The following ADCY5 variants were observed in gnomAD, a reference collection of about 807,000 sequenced individuals.
ADCY5 encodes adenylate cyclase 5, also known as adenylate cyclase type 5.
Under a neutral mutation model 119.7 loss-of-function variants are expected in ADCY5, and 30 were observed. That is an observed-to-expected ratio of 0.25 (90% CI 0.19 to 0.34). The LOEUF (loss-of-function observed/expected upper bound fraction) is 0.34, where lower values mean the gene tolerates loss of function less well. Among genes scored for constraint, ADCY5 ranks in the 10% least tolerant of loss-of-function variants. ADCY5 has a pLI of 1.00. For missense variants in ADCY5, 1,324 were observed against 1,775.2 expected (o/e 0.75, Z 4.57); for synonymous variants, 753 against 762.2 (o/e 0.99, Z 0.20).
At chr3:123,407,760 T>C (rs1266541608) in intron 1 of ADCY5, among the ~76,000 whole-genome samples, 26 of 80,506 alleles carry the variant, frequency 3.2e-4, no homozygotes, top group East Asian at 1.0e-3. Flanking sequence ...AGTGAGACCC[T>C]GTCTCAAAAA....
At chr3:123,340,950 C>A (rs1012454699) in intron 3 of ADCY5, among the ~76,000 whole-genome samples, 2 of 151,734 alleles carry the variant, frequency 1.3e-5, no homozygotes, top group African/African-American at 2.4e-5. Context: ...AATGGTGAAA[C>A]CCCGTCTCTA....
At chr3:123,415,011 C>G (rs867384789) in intron 1 of ADCY5, among the ~76,000 whole-genome samples, 1 of 152,304 alleles carries the variant, frequency 6.6e-6, no homozygotes, top group South Asian at 2.1e-4. Context: ...TCCACCACTG[C>G]GGCCCCTTGG....
At chr3:123,356,914 T>C (rs1576617808) in intron 1 of ADCY5, among the ~76,000 whole-genome samples, 1 of 151,944 alleles carries the variant, frequency 6.6e-6, no homozygotes, top group African/African-American at 2.4e-5. Context: ...TACTCAGCTA[T>C]AAAAAGAAAC....
chr3:123,301,014 G>A (rs1377045024), intron 14 of ADCY5, among the ~76,000 whole-genome samples: 4 of 151,930 alleles, frequency 2.6e-5, no homozygotes, highest in East Asian at 1.9e-4. Context: ...AGGAGGGATC[G>A]TGCCCTGTGC....
At chr3:123,422,381 G>A (rs1945319234) in intron 1 of ADCY5, among the ~76,000 whole-genome samples, 2 of 152,202 alleles carry the variant, frequency 1.3e-5, no homozygotes, top group Admixed American at 6.5e-5. Context: ...GTAGGTTAGG[G>A]TGTTTTATAC....
intron 1 of ADCY5, among the ~76,000 whole-genome samples, chr3:123,395,979 G>GGAAAGAAAGAAAGAGAAA (rs533201747): frequency 9.0e-6 from 1 of 111,144 alleles, no homozygotes; most frequent in East Asian, 2.6e-4. Context: ...AAGAAAGGAA[G>GGAAAGAAAGAAAGAGAAA]GAAAGAAAGA....
In ADCY5 at chr3:123,398,193, G is replaced by A. The variant is rs373632105; in HGVS notation, c.1135-45612C>T. ...TCCCAGTACCTGGAGGTCAGGTCTC[G>A]CCAGCAATGAGGCCCCCACGTGATT... On this transcript the variant is annotated intron_variant, in intron 1 of 20. Coordinates refer to ENST00000462833, the MANE Select transcript of ADCY5 (RefSeq NM_183357.3). Among the ~76,000 whole-genome samples, 44 of 152,228 alleles carry A rather than the reference G, an allele frequency of 2.9e-4. No homozygotes were observed. In the East Asian group the frequency reaches 3.3e-3, roughly 11 times the overall value.
chr3:123,339,243 C>T (rs1942165068), intron 3 of ADCY5, among the ~76,000 whole-genome samples: 1 of 152,102 alleles, frequency 6.6e-6, no homozygotes, highest in Non-Finnish European at 1.5e-5. Flanking sequence ...CCTCCATTTG[C>T]CCCCCATCAT....
In ADCY5 at chr3:123,416,621, G is replaced by T. The variant is rs115504473; in HGVS notation, c.1134+30791C>A. Among the ~76,000 whole-genome samples the T allele has an allele frequency of 0.018, 2,704 of 152,182 alleles. 78 individuals carry two copies. Among genetic ancestry groups the T allele is most frequent in the African/African-American group, 0.061 (2,533 of 41,518 alleles). On this transcript the variant is annotated intron_variant, in intron 1 of 20. Coordinates refer to ENST00000462833, the MANE Select transcript of ADCY5 (RefSeq NM_183357.3). ...CGTGGCTCTTACTATTCACAAACTCGCTCTGCCACGAACTGAATTATGGCC... is the reference window on the plus strand; with the variant it reads ...CGTGGCTCTTACTATTCACAAACTCTCTCTGCCACGAACTGAATTATGGCC...
chr3:123,362,035 C>G lies in ADCY5; in HGVS notation c.1135-9454G>C, dbSNP rs565399005. ...TACAGCTAAATAATATTCCACAGCA[C>G]AGATCTACCATATATTGTTTATCCA... On this transcript the variant is annotated intron_variant, in intron 1 of 20. Coordinates refer to ENST00000462833, the MANE Select transcript of ADCY5 (RefSeq NM_183357.3). 3.9e-5 allele frequency among the ~76,000 whole-genome samples: 6 copies of G among 152,294 alleles called. No individual in the cohort carries two copies. The East Asian group carries it at 7.7e-4, about 20-fold the overall frequency.
chr3:123,347,891 G>GCAGGAGCC lies in ADCY5; in HGVS notation c.1289_1296dup (p.Leu433GlyfsTer15). On this transcript the variant is annotated frameshift_variant, in exon 3 of 21. Transcript: ENST00000462833. LOFTEE classifies it high-confidence loss of function. ...GCAACATGACGGGGAAGGACAGACA[G>GCAGGAGCC]CAGGAGCCGTTCCTGCAGAGGGAAG... is the stretch of plus-strand genomic sequence containing the variant. 6.2e-7 allele frequency: 1 copy of GCAGGAGCC among 1,614,150 alleles called. No individual in the cohort carries two copies. The highest frequency in any genetic ancestry group is 8.5e-7 in the Non-Finnish European group (1 of 1,180,010).
chr3:123,404,938 TG>T (rs1559865286), intron 1 of ADCY5, among the ~76,000 whole-genome samples: 1 of 152,202 alleles, frequency 6.6e-6, no homozygotes, highest in Non-Finnish European at 1.5e-5. Flanking sequence ...ACCTCACCAG[TG>T]TGGTCTGATC....
In ADCY5 at chr3:123,325,252, G is replaced by A. The variant is rs981959927; in HGVS notation, c.2088+70C>T. 144 of 1,564,556 alleles carry A rather than the reference G, an allele frequency of 9.2e-5. No homozygotes were observed. The Middle Eastern group carries it at 9.7e-4, about 11-fold the overall frequency. On this transcript the variant is annotated intron_variant, in intron 8 of 20. Coordinates refer to ENST00000462833, the MANE Select transcript of ADCY5 (RefSeq NM_183357.3). ...TTGGGCAACACGAGGCATCTGGTGC[G>A]GGCCTCATGCCCACAGAAGGCCCTA... is the stretch of plus-strand genomic sequence containing the variant.
At chr3:123,411,396 C>A (rs746120239) in intron 1 of ADCY5, among the ~76,000 whole-genome samples, 1 of 152,206 alleles carries the variant, frequency 6.6e-6, no homozygotes, top group Non-Finnish European at 1.5e-5. Flanking sequence ...TCACCGATCA[C>A]TGACTAAGGA....
At chr3:123,378,330 C>T (rs556817602) in intron 1 of ADCY5, among the ~76,000 whole-genome samples, 6 of 151,928 alleles carry the variant, frequency 3.9e-5, no homozygotes, top group South Asian at 4.2e-4. Context: ...TTGACTCTAA[C>T]GTGCTATTCT....
At position 123,291,327 on chromosome 3, in the gene ADCY5, C is replaced by T. The variant is rs1404359662; in HGVS notation, c.3113G>A (p.Arg1038Gln). ...CTTGGGCAGGATGTTGTGCAGCAGC[C>T]GCCGGTTGTAGGCCTGCAGCTCCTC... ...EMEELQAYNR[R>Q]LLHNILPKDV... Residue 1038 changes from arginine (R) to glutamine (Q), a missense_variant, in exon 18 of 21, where the codon CGG becomes CAG. By Grantham distance (43) the Arg-to-Gln change is conservative (BLOSUM62 1). Coordinates refer to ENST00000462833, the MANE Select transcript of ADCY5 (RefSeq NM_183357.3). 2.7e-5 allele frequency: 44 copies of T among 1,613,794 alleles called. No homozygotes were observed. Among genetic ancestry groups the T allele is most frequent in the Non-Finnish European group, 3.3e-5 (39 of 1,180,034 alleles).
intron 14 of ADCY5, 138 bp from the exon 15 acceptor site, chr3:123,300,433 GGT>G: frequency 9.8e-7 from 1 of 1,020,054 alleles, no homozygotes; most frequent in Non-Finnish European, 1.4e-6. Context: ...TTTCCCAACA[GGT>G]GTGATATAAA....
At chr3:123,432,396 G>C (rs1331328714) in intron 1 of ADCY5, among the ~76,000 whole-genome samples, 1 of 152,166 alleles carries the variant, frequency 6.6e-6, no homozygotes, top group Non-Finnish European at 1.5e-5. Flanking sequence ...CCAGAAGAAA[G>C]ACTGGAGAAG....
chr3:123,320,901 C>T (rs1202517754), intron 8 of ADCY5, 130 bp from the exon 9 acceptor site: 2 of 686,012 alleles, frequency 2.9e-6, no homozygotes, highest in Non-Finnish European at 5.2e-6. Context: ...AGAGGATTGT[C>T]ATTCAGCAGC....
Sources: gnomAD v4.1 joint callset for allele counts (sites outside exome capture counted in the v4.1 genomes callset) on GRCh38, gnomAD v4.1.1 for gene constraint, MANE v1.5 for transcripts, NCBI Gene and HGNC (gene_info 2026-07-23, HGNC 2026-07-21) for gene names.